Variants in COL1A2 observed in about 807,000 individuals in gnomAD.
COL1A2 encodes collagen type I alpha 2 chain.
Under a neutral mutation model 174.3 loss-of-function variants are expected in COL1A2, and 49 were observed. The observed-to-expected ratio is 0.28, with a 90% confidence interval of 0.22 to 0.36. The LOEUF is 0.36. Ranked by LOEUF, COL1A2 falls within the 10% of genes least tolerant of loss-of-function variation. The probability of loss-of-function intolerance (pLI) is 1.00; values close to 1 mark genes in which losing one functional copy is unlikely to be tolerated. For missense variants in COL1A2, 1,438 were observed against 1,822.7 expected, an observed-to-expected ratio of 0.79 and a Z score of 3.84; for synonymous variants, 655 against 606.6, an observed-to-expected ratio of 1.08 and a Z score of -1.17.
At chr7:94,395,284 T>C in intron 1 of COL1A2, 183 bp downstream of exon 1, 2 of 730,320 alleles carry the variant, frequency 2.7e-6, no homozygotes, top group Non-Finnish European at 5.0e-6. Flanking sequence ...AATGAAAACA[T>C]AAAAGCCTTG....
rs1419697305 is a variant in COL1A2, at chr7:94,408,362, G to A, written c.720G>A (p.Val240=). The part of the protein sequence containing the change: ...PAGARGSDGS[V]GPVGPAGPIG... The stretch of plus-strand genomic sequence containing the variant: ...GTGCCCGTGGCAGTGATGGAAGTGT[G>A]GGTCCCGTGGGTCCTGCTGTAAGTT... Residue 240 remains valine (V), a synonymous_variant, in exon 15 of 52, where the codon GTG becomes GTA. Coordinates refer to ENST00000297268, the MANE Select transcript of COL1A2 (RefSeq NM_000089.4). The A allele has an allele frequency of 2.5e-6, 4 of 1,613,982 alleles. No individual in the cohort carries two copies. Among genetic ancestry groups the A allele is most frequent in the Admixed American group, 3.3e-5 (2 of 60,006 alleles).
chr7:94,420,987 C>T (rs371672096), intron 37 of COL1A2, 22 bp from the exon 38 acceptor site: 2 of 1,613,252 alleles, frequency 1.2e-6, no homozygotes, highest in South Asian at 2.2e-5. Context: ...TGATTTGACT[C>T]CATCTTTTTG....
intron 28 of COL1A2, 24 bp downstream of exon 28, chr7:94,413,971 A>T: frequency 2.5e-6 from 4 of 1,598,862 alleles, no homozygotes; most frequent in Non-Finnish European, 3.4e-6. Flanking sequence ...AACATATACA[A>T]TACTGCCTTT....
intron 16 of COL1A2, 101 bp downstream of exon 16, chr7:94,408,924 G>T: frequency 1.8e-6 from 2 of 1,122,612 alleles, no homozygotes; most frequent in South Asian, 1.3e-5. Flanking sequence ...TTACGAAACA[G>T]TTACCTTAAT....
intron 10 of COL1A2, 120 bp downstream of exon 10, chr7:94,405,372 G>A (rs1791774627): frequency 8.3e-6 from 8 of 968,040 alleles, no homozygotes; most frequent in South Asian, 3.0e-5. Context: ...ATGAATCGAA[G>A]GCATCTAATA....
intron 33 of COL1A2, among the ~76,000 whole-genome samples, chr7:94,418,935 A>G (rs968867452): frequency 4.0e-5 from 6 of 151,352 alleles, no homozygotes; most frequent in Non-Finnish European, 8.8e-5. Context: ...ACAAGATTCT[A>G]TAGTTATTCA....
intron 49 of COL1A2, 92 bp from the exon 50 acceptor site, chr7:94,428,201 T>G: frequency 8.7e-7 from 1 of 1,148,058 alleles, no homozygotes; most frequent in Non-Finnish European, 1.3e-6. Context: ...AAAATGTTAC[T>G]TATGAGAGTC....
At chr7:94,425,962 C>A in intron 44 of COL1A2, 36 bp from the exon 45 acceptor site, 1 of 1,612,136 alleles carries the variant, frequency 6.2e-7, no homozygotes, top group Non-Finnish European at 8.5e-7. Flanking sequence ...GTATCTTGGG[C>A]CTAGCTAAGT....
At chr7:94,414,849 T>A (rs1792005032) in intron 29 of COL1A2, among the ~76,000 whole-genome samples, 1 of 152,164 alleles carries the variant, frequency 6.6e-6, no homozygotes, top group South Asian at 2.1e-4. Flanking sequence ...AACTAGGCAA[T>A]GTACAGAATA....
Position 94,409,831 on chromosome 7 carries a change from C to T in COL1A2, c.1035+10C>T. 1 of 1,613,220 alleles carries T rather than the reference C, an allele frequency of 6.2e-7. No individual in the cohort carries two copies. Among genetic ancestry groups the T allele is most frequent in the Non-Finnish European group, 8.5e-7 (1 of 1,179,260 alleles). ...TGCCAGAGGACTTGTTGTAAGTGGT[C>T]ATGACTGTGGTTCTCATCATCCTGA... On this transcript the variant is annotated intron_variant, in intron 19 of 51. Transcript: ENST00000297268.
chr7:94,429,108 C>CTTTTTTTTT (rs11380334), intron 50 of COL1A2, 80 bp from the exon 51 acceptor site: 18 of 816,766 alleles, frequency 2.2e-5, no homozygotes, highest in South Asian at 1.2e-4. Flanking sequence ...CTTTTTTTTT[C>CTTTTTTTTT]TTTTTTTTTT....
Position 94,427,758 on chromosome 7 carries a change from T to G in COL1A2, c.3399T>G (p.Tyr1133Ter), listed in dbSNP as rs754204120. The G allele has an allele frequency of 6.2e-7, 1 of 1,614,128 alleles. No individual in the cohort carries two copies. The highest frequency in any genetic ancestry group is 1.1e-5 in the South Asian group (1 of 91,080). The stretch of plus-strand genomic sequence containing the variant: ...CACCTTCTCTCAGACCCAAGGACTA[T>G]GAAGTTGATGCTACTCTGAAGTCTC... Reference protein sequence around the residue: ...RSAPSLRPKDYEVDATLKSLN... With the variant: ...RSAPSLRPKD Residue 1133 changes from tyrosine to a stop codon, truncating the protein, a stop_gained, in exon 49 of 52, where the codon TAT (tyrosine) becomes TAG (stop). Coordinates refer to ENST00000297268, the MANE Select transcript of COL1A2 (RefSeq NM_000089.4). LOFTEE classifies it high-confidence loss of function.
Position 94,411,386 on chromosome 7 carries a change from A to G in COL1A2, c.1350+232A>G, listed in dbSNP as rs190483382. ...CAATGGCTATGAGGTTTTTGGAAGAATAGATCTATTTTAATATATCCAAAT... is the reference window on the plus strand; with the variant it reads ...CAATGGCTATGAGGTTTTTGGAAGAGTAGATCTATTTTAATATATCCAAAT... On this transcript the variant is annotated intron_variant, in intron 23 of 51. Transcript: ENST00000297268. Among the ~76,000 whole-genome samples the G allele has an allele frequency of 2.5e-3, 387 of 152,262 alleles. 3 individuals are homozygous for G. The highest frequency in any genetic ancestry group is 8.9e-3 in the African/African-American group (368 of 41,572).
chr7:94,422,591 G>T, intron 39 of COL1A2: 1 of 194,306 alleles, frequency 5.1e-6, no homozygotes, highest in Non-Finnish European at 1.0e-5. Context: ...AAAAAAAGAA[G>T]AAAAAAGAAA....
intron 45 of COL1A2, 42 bp from the exon 46 acceptor site, chr7:94,426,381 T>C (rs373688396): frequency 9.2e-5 from 141 of 1,527,938 alleles, no homozygotes; most frequent in Middle Eastern, 1.7e-4. Flanking sequence ...GTGCCATTTT[T>C]TTAAAACGGT....
chr7:94,411,751 A>G (rs1791930331), intron 23 of COL1A2, among the ~76,000 whole-genome samples: 1 of 152,244 alleles, frequency 6.6e-6, no homozygotes, highest in Admixed American at 6.5e-5. Context: ...GTTTACTAAA[A>G]GTATTAGTTT....
chr7:94,400,784 A>C (rs779434917), intron 5 of COL1A2, among the ~76,000 whole-genome samples: 1 of 152,172 alleles, frequency 6.6e-6, no homozygotes, highest in Non-Finnish European at 1.5e-5. Context: ...TTTTAGCTTC[A>C]TGTCTTTAAC....
At chr7:94,425,523 A>T (rs917994898) in intron 42 of COL1A2, 87 bp from the exon 43 acceptor site, 1 of 1,335,430 alleles carries the variant, frequency 7.5e-7, no homozygotes, top group Admixed American at 1.7e-5. Flanking sequence ...GAGCACTGGA[A>T]GTGATGAAGA....
In COL1A2 at chr7:94,431,158, T is replaced by C. The variant is rs1278402811; in HGVS notation, c.*765T>C. 1.3e-5 allele frequency: 2 copies of C among 152,580 alleles called. No individual in the cohort carries two copies. Among genetic ancestry groups the C allele is most frequent in the Non-Finnish European group, 2.9e-5 (2 of 68,034 alleles). 9.5% of individuals were successfully genotyped at this position (152,580 alleles called of 1,614,324 possible). A position where few individuals can be genotyped will look rare whatever the true frequency, so the allele number is the denominator to read the frequency against. ...GCAGAAAAATTAAATTGTACCTATT[T>C]TGTATATGTGAGATGTTTAAATAAA... On this transcript the variant is annotated 3_prime_UTR_variant, in exon 52 of 52. Coordinates refer to ENST00000297268, the MANE Select transcript of COL1A2 (RefSeq NM_000089.4).
Sources: gnomAD v4.1 joint callset for allele counts (sites outside exome capture counted in the v4.1 genomes callset) on GRCh38, gnomAD v4.1.1 for gene constraint, MANE v1.5 for transcripts, NCBI Gene and HGNC (gene_info 2026-07-23, HGNC 2026-07-21) for gene names.